Variants in NUP50 observed in about 807,000 individuals in gnomAD.
NUP50 encodes nucleoporin 50.
Under a neutral mutation model 36.8 loss-of-function variants are expected in NUP50, and 14 were observed. The ratio of observed to expected loss-of-function variants is 0.38; its 90% CI spans 0.25 to 0.59. The LOEUF (loss-of-function observed/expected upper bound fraction) is 0.59, where lower values mean the gene tolerates loss of function less well. Among genes scored for constraint, NUP50 ranks in the 20% least tolerant of loss-of-function variants. The pLI is 0.63. For missense variants in NUP50, 455 were observed against 564.6 expected, an observed-to-expected ratio of 0.81 and a Z score of 1.97; for synonymous variants, 195 against 210.8, an observed-to-expected ratio of 0.93 and a Z score of 0.65.
intron 2 of NUP50, among the ~76,000 whole-genome samples, chr22:45,168,997 G>C (rs976767598): frequency 6.6e-6 from 1 of 150,852 alleles, no homozygotes; most frequent in African/African-American, 2.4e-5. Context: ...TATCTCCCGG[G>C]TTCAAGTGAT....
chr22:45,179,068 G>A, intron 5 of NUP50, 168 bp downstream of exon 5: 1 of 602,404 alleles, frequency 1.7e-6, no homozygotes, highest in African/African-American at 1.9e-5. Flanking sequence ...TCAGATTCCT[G>A]CTTTATAAAA....
At chr22:45,170,991 A>G (rs1206849720) in intron 2 of NUP50, 3 of 1,303,950 alleles carry the variant, frequency 2.3e-6, no homozygotes, top group African/African-American at 3.0e-5. Context: ...CCTACAGGGT[A>G]AAAGAAGGGC....
Position 45,178,420 on chromosome 22 carries a change from G to A in NUP50, c.523G>A (p.Val175Met). ...CGTGCGGGATTGGATAGTGAAGCAC[G>A]TGAATACAAACCCCCTCTGTGATCT... ...CSVRDWIVKH[V>M]NTNPLCDLTP... The change falls in exon 5 of 8, where the codon GTG becomes ATG. Residue 175 changes from valine to methionine, a missense_variant. Coordinates refer to ENST00000347635, the MANE Select transcript of NUP50 (RefSeq NM_007172.4). 3 of 1,613,752 alleles carry A rather than the reference G, an allele frequency of 1.9e-6. No homozygotes were observed. Among genetic ancestry groups the A allele is most frequent in the Non-Finnish European group, 2.5e-6 (3 of 1,179,716 alleles).
chr22:45,176,599 T>A (rs2074280391), intron 4 of NUP50, among the ~76,000 whole-genome samples: 4 of 152,184 alleles, frequency 2.6e-5, no homozygotes, highest in Admixed American at 2.6e-4. Flanking sequence ...CAACAGAGAA[T>A]AGGATCACGG....
rs1320194783 is a variant in NUP50, at chr22:45,184,472, T to G, written c.1224T>G (p.Val408=). 1 of 1,613,890 alleles carries G rather than the reference T, an allele frequency of 6.2e-7. No individual in the cohort carries two copies. Among genetic ancestry groups the G allele is most frequent in the Non-Finnish European group, 8.5e-7 (1 of 1,179,864 alleles). ...ATGCAGGCAACATATTGCTGAACGT[T>G]CTGATTCCACCCAATATGCCATGTA... ...DTNLGNILLN[V]LIPPNMPCTR... is the part of the protein sequence containing the mutation. The change falls in exon 8 of 8, where the codon GTT becomes GTG. Residue 408 remains valine (V), a synonymous_variant. Coordinates refer to ENST00000347635, the MANE Select transcript of NUP50 (RefSeq NM_007172.4).
intron 1 of NUP50, among the ~76,000 whole-genome samples, chr22:45,167,332 G>A (rs1025995699): frequency 2.0e-5 from 3 of 152,160 alleles, no homozygotes; most frequent in Non-Finnish European, 4.4e-5. Context: ...CGGAGCTCTG[G>A]GTTGTGGGTT....
At chr22:45,166,732 T>A (rs142774335) in intron 1 of NUP50, among the ~76,000 whole-genome samples, 1 of 109,228 alleles carries the variant, frequency 9.2e-6, no homozygotes, top group Non-Finnish European at 1.9e-5. Flanking sequence ...GAATTATGTC[T>A]ATTCCTGTAT....
At chr22:45,167,689 C>G (rs549006069) in intron 1 of NUP50, among the ~76,000 whole-genome samples, 2 of 152,274 alleles carry the variant, frequency 1.3e-5, no homozygotes, top group African/African-American at 4.8e-5. Flanking sequence ...GGAGGCGTTT[C>G]CAGCCCGTTA....
At chr22:45,181,166 A>C in intron 5 of NUP50, 120 bp from the exon 6 acceptor site, 1 of 161,926 alleles carries the variant, frequency 6.2e-6, no homozygotes, top group Non-Finnish European at 1.2e-5. Context: ...TGTGCATTTT[A>C]GTCTGTCAGT....
At chr22:45,170,765 A>G (rs541457979) in intron 2 of NUP50, among the ~76,000 whole-genome samples, 3 of 152,300 alleles carry the variant, frequency 2.0e-5, no homozygotes, top group Non-Finnish European at 2.9e-5. Context: ...CCATGTAACT[A>G]TTTGCTTAGA....
chr22:45,174,553 A>G (rs941382879), intron 3 of NUP50, among the ~76,000 whole-genome samples: 4 of 152,062 alleles, frequency 2.6e-5, no homozygotes, highest in African/African-American at 9.7e-5. Flanking sequence ...TGGTTCTTGA[A>G]TTTTTGTTGT....
chr22:45,174,797 C>G (rs906379324), intron 3 of NUP50, among the ~76,000 whole-genome samples: 2 of 152,148 alleles, frequency 1.3e-5, no homozygotes, highest in African/African-American at 4.8e-5. Context: ...AAAACTCATA[C>G]AAGTTACAAT....
chr22:45,186,896 C>G lies in NUP50; in HGVS notation c.*2241C>G, dbSNP rs554216290. The G allele has an allele frequency of 2.1e-4, 32 of 152,518 alleles. No homozygotes were observed. Among genetic ancestry groups the G allele is most frequent in the African/African-American group, 7.5e-4 (31 of 41,572 alleles). The allele number at this position is 152,518 out of a possible 1,614,324, so 9.4% of individuals were successfully genotyped here. A position where few individuals can be genotyped will look rare whatever the true frequency, so the allele number is the denominator to read the frequency against. ...GTGGATTTCATTGTAAAATTTAACT[C>G]CTTGTCTTTTACTTGGGGCACGGGG... On this transcript the variant is annotated 3_prime_UTR_variant, in exon 8 of 8. Coordinates refer to ENST00000347635, the MANE Select transcript of NUP50 (RefSeq NM_007172.4).
intron 1 of NUP50, chr22:45,166,114 T>G (rs1309363203): frequency 3.3e-5 from 5 of 152,164 alleles, no homozygotes; most frequent in Non-Finnish European, 7.4e-5. Flanking sequence ...ATATACTGAT[T>G]TGGTGAGTAT....
chr22:45,184,835 A>T lies in NUP50; in HGVS notation c.*180A>T. 1.6e-6 allele frequency: 1 copy of T among 615,824 alleles called. No individual in the cohort carries two copies. Among genetic ancestry groups the T allele is most frequent in the South Asian group, 2.0e-5 (1 of 49,058 alleles). The allele number at this position is 615,824 out of a possible 1,614,324, so 38.1% of individuals were successfully genotyped here. A position where few individuals can be genotyped will look rare whatever the true frequency, so the allele number is the denominator to read the frequency against. ...TAAATGTTAAGTGTCAAGAAACTGC[A>T]CTCTCCCTTCTTAAGAACTGCCTAA... On this transcript the variant is annotated 3_prime_UTR_variant, in exon 8 of 8. Transcript: ENST00000347635.
rs746869312 is a variant in NUP50 at position 45,183,488 on chromosome 22, C to T, written c.1172C>T (p.Thr391Ile). The T allele has an allele frequency of 8.7e-6, 14 of 1,611,400 alleles. No individual in the cohort carries two copies. The highest frequency in any genetic ancestry group is 1.3e-5 in the African/African-American group (1 of 74,858). The part of the protein sequence containing the change: ...LHLKPTANQK[T>I]QLLVRADTNL... ...TTAAAACCTACAGCAAATCAGAAGACACAGCTTTTGGTGCGGGCAGACACC... is the reference window on the plus strand; with the variant it reads ...TTAAAACCTACAGCAAATCAGAAGATACAGCTTTTGGTGCGGGCAGACACC... The change falls in exon 7 of 8, where the codon ACA (threonine) becomes ATA (isoleucine). Residue 391 changes from threonine (T) to isoleucine (I), a missense_variant. Transcript: ENST00000347635.
rs1463745702 is a variant in NUP50 at position 45,176,043 on chromosome 22, C to T, written c.303C>T (p.Ala101=). 10 of 1,614,140 alleles carry T rather than the reference C, an allele frequency of 6.2e-6. No individual in the cohort carries two copies. The highest frequency in any genetic ancestry group is 8.5e-6 in the Non-Finnish European group (10 of 1,180,020). ...ACATAACCAGTGCCCCTCCCTTCGC[C>T]AGTGCAAAGGCAGCGGCAGATCCCA... ...GNNITSAPPF[A]SAKAAADPKV... The change falls in exon 4 of 8, where the codon GCC becomes GCT. Residue 101 remains alanine (A), a synonymous_variant. Transcript: ENST00000347635.
intron 7 of NUP50, 181 bp downstream of exon 7, chr22:45,183,701 G>T: frequency 1.8e-6 from 1 of 549,002 alleles, no homozygotes; most frequent in South Asian, 2.5e-5. Context: ...AAACATAAAT[G>T]TGTTAGAAGC....
In NUP50 at chr22:45,185,771, C is replaced by A. The variant is rs1443491223; in HGVS notation, c.*1116C>A. ...TGGTTATTCACACGAATATCCCTGT[C>A]ACTTCTCCAGAGGTGTCAGGTAACT... On this transcript the variant is annotated 3_prime_UTR_variant, in exon 8 of 8. Coordinates refer to ENST00000347635, the MANE Select transcript of NUP50 (RefSeq NM_007172.4). The A allele has an allele frequency of 6.6e-6, 1 of 152,226 alleles. No homozygotes were observed. Among genetic ancestry groups the A allele is most frequent in the Non-Finnish European group, 1.5e-5 (1 of 68,042 alleles). 9.4% of individuals were successfully genotyped at this position (152,226 alleles called of 1,614,324 possible). A position where few individuals can be genotyped will look rare whatever the true frequency, so the allele number is the denominator to read the frequency against.
Sources: allele counts gnomAD v4.1 joint callset (sites outside exome capture counted in the v4.1 genomes callset), GRCh38; gene constraint gnomAD v4.1.1; transcripts MANE v1.5; gene names NCBI Gene and HGNC (gene_info 2026-07-23, HGNC 2026-07-21).